The following ZFC3H1 variants were observed in gnomAD, a reference collection of about 807,000 sequenced individuals.
ZFC3H1 encodes zinc finger C3H1 domain-containing protein.
In ZFC3H1, 71 loss-of-function variants were observed where a neutral mutation model predicts 243.7. That is an observed-to-expected ratio of 0.29 (90% CI 0.24 to 0.36). The LOEUF (loss-of-function observed/expected upper bound fraction) is 0.36. Among genes scored for constraint, ZFC3H1 ranks in the 10% least tolerant of loss-of-function variants. The probability of loss-of-function intolerance (pLI) is 1.00; values close to 1 mark genes in which losing one functional copy is unlikely to be tolerated. For synonymous variants in ZFC3H1, 838 were observed against 813.0 expected (o/e 1.03, Z -0.52); for missense variants, 1,966 against 2,317.1 (o/e 0.85, Z 3.11).
rs11178881 is a variant in ZFC3H1 at position 71,652,382 on chromosome 12, G to C, written c.1015+4503C>G. ...TCAAATTCTTTAGCAAAATATTAAA[G>C]GCCTTCCCAATCCAACACTAACCTG... On this transcript the variant is annotated intron_variant, in intron 2 of 34. Coordinates refer to ENST00000378743, the MANE Select transcript of ZFC3H1 (RefSeq NM_144982.5). Among the ~76,000 whole-genome samples, 1,218 of 152,176 alleles carry C rather than the reference G, an allele frequency of 8.0e-3. 12 individuals are homozygous for C. Among genetic ancestry groups the C allele is most frequent in the Non-Finnish European group, 0.013 (886 of 67,988 alleles).
At chr12:71,642,202 T>C (rs1880617546) in intron 6 of ZFC3H1, among the ~76,000 whole-genome samples, 1 of 152,186 alleles carries the variant, frequency 6.6e-6, no homozygotes, top group African/African-American at 2.4e-5. Flanking sequence ...AATGTCTTAT[T>C]TATTTGTTTT....
intron 2 of ZFC3H1, among the ~76,000 whole-genome samples, chr12:71,649,086 T>C (rs1256077202): frequency 3.8e-5 from 5 of 131,462 alleles, no homozygotes; most frequent in Admixed American, 7.5e-5. Context: ...GCAAGACTCT[T>C]GTCTCAAAAA....
chr12:71,642,852 C>A (rs568419170), intron 5 of ZFC3H1, among the ~76,000 whole-genome samples: 1 of 152,240 alleles, frequency 6.6e-6, no homozygotes, highest in African/African-American at 2.4e-5. Context: ...AAAATGACAC[C>A]AAACTCTTGT....
At chr12:71,638,359 A>G in intron 7 of ZFC3H1, 59 bp downstream of exon 7, 1 of 1,530,742 alleles carries the variant, frequency 6.5e-7, no homozygotes, top group East Asian at 2.4e-5. Context: ...ATTCGTTTTT[A>G]AAAACAAATT....
rs1208660389 is a variant in ZFC3H1 at position 71,623,748 on chromosome 12, CA to C, written c.4507-152del. ...TCCTGATACTTAAAATCTAATAAGA[CA>C]AAGACAAAACAGTAAAAAGAAAAAA... On this transcript the variant is annotated intron_variant, in intron 23 of 34. Transcript: ENST00000378743. 12 of 630,176 alleles carry C rather than the reference CA, an allele frequency of 1.9e-5. No homozygotes were observed. In the Admixed American group the frequency reaches 2.9e-4, roughly 15 times the overall value. 39.0% of individuals were successfully genotyped at this position (630,176 alleles called of 1,614,324 possible).
chr12:71,611,029 G>T, intron 33 of ZFC3H1, 29 bp downstream of exon 33: 1 of 1,589,666 alleles, frequency 6.3e-7, no homozygotes, highest in South Asian at 1.2e-5. Flanking sequence ...TTTTAAAAGT[G>T]ACCCATCTGA....
At chr12:71,651,856 G>A (rs1395540270) in intron 2 of ZFC3H1, among the ~76,000 whole-genome samples, 1 of 152,214 alleles carries the variant, frequency 6.6e-6, no homozygotes. Flanking sequence ...CAAGGTCCCA[G>A]AGAAGGCAGA....
rs1880333574 is a variant in ZFC3H1, at chr12:71,631,937, CCA to C, written c.3360+33_3360+34del. 3.7e-6 allele frequency: 6 copies of C among 1,603,728 alleles called. No individual in the cohort carries two copies. In the South Asian group the frequency reaches 6.7e-5, roughly 18 times the overall value. On this transcript the variant is annotated intron_variant, in intron 15 of 34. Transcript: ENST00000378743. The stretch of plus-strand genomic sequence containing the variant: ...TAAGGCAAATAAGGCTGGGTGAATT[CCA>C]GATTTTAAAGAAAATATGAAATGTT...
At chr12:71,662,187 G>C (rs145744129) in intron 1 of ZFC3H1, among the ~76,000 whole-genome samples, 2 of 152,226 alleles carry the variant, frequency 1.3e-5, no homozygotes, top group Admixed American at 6.5e-5. Flanking sequence ...AGTAAACTCA[G>C]TAATGTTTAA....
Position 71,631,862 on chromosome 12 carries a change from A to G in ZFC3H1, c.3386T>C (p.Val1129Ala), listed in dbSNP as rs1400593191. 6.2e-7 allele frequency: 1 copy of G among 1,613,732 alleles called. No homozygotes were observed. Among genetic ancestry groups the G allele is most frequent in the Admixed American group, 1.7e-5 (1 of 59,984 alleles). The change falls in exon 16 of 35, where the codon GTC (valine) becomes GCC (alanine). Residue 1129 changes from valine (V) to alanine (A), a missense_variant. This residue lies in a region of ZFC3H1 where 1,383 missense variants were observed against 1,723.7 expected (regional missense o/e 0.80). Coordinates refer to ENST00000378743, the MANE Select transcript of ZFC3H1 (RefSeq NM_144982.5). The part of the protein sequence containing the change: ...GQEISVDVDF[V>A]TAQSKTMEVK... ...TTCCATTGTTTTACTTTGTGCTGTG[A>G]CAAAATCCACATCTACAGAAATCTC...
At position 71,615,231 on chromosome 12, in the gene ZFC3H1, CTTGGT is replaced by C; in HGVS notation, c.5225_5229del (p.His1742ArgfsTer19). On this transcript the variant is annotated frameshift_variant, in exon 28 of 35. Transcript: ENST00000378743. LOFTEE classifies it high-confidence loss of function. ...CAGTAAATCAGCCACAAATAAGGAA[CTTGGT>C]GGTTAAACATATCATCATCAAAATT... The C allele has an allele frequency of 6.2e-7, 1 of 1,612,898 alleles. No homozygotes were observed. The highest frequency in any genetic ancestry group is 1.1e-5 in the South Asian group (1 of 90,864).
rs1880467124 is a variant in ZFC3H1 at position 71,636,569 on chromosome 12, C to T, written c.2021G>A (p.Ser674Asn). 6.2e-7 allele frequency: 1 copy of T among 1,613,918 alleles called. No individual in the cohort carries two copies. Among genetic ancestry groups the T allele is most frequent in the Non-Finnish European group, 8.5e-7 (1 of 1,179,870 alleles). The change falls in exon 9 of 35, where the codon AGT (serine) becomes AAT (asparagine). Residue 674 changes from serine to asparagine, a missense_variant. Coordinates refer to ENST00000378743, the MANE Select transcript of ZFC3H1 (RefSeq NM_144982.5). ...CCTAGGCTGAGACACTGTGTTAATA[C>T]TGACTATTGATAGATTGCTTCTTGG... Reference protein sequence around the residue: ...PVPRSNLSIVSINTVSQPRIQ... With the variant: ...PVPRSNLSIVNINTVSQPRIQ...
At chr12:71,634,682 A>G in intron 11 of ZFC3H1, 22 bp downstream of exon 11, 1 of 1,571,226 alleles carries the variant, frequency 6.4e-7, no homozygotes, top group African/African-American at 1.4e-5. Context: ...TTTTAATGTT[A>G]ATTACATAAA....
intron 1 of ZFC3H1, among the ~76,000 whole-genome samples, chr12:71,661,948 TAAGTGTTCTATAA>T (rs1417800859): frequency 6.6e-6 from 1 of 152,232 alleles, no homozygotes; most frequent in Non-Finnish European, 1.5e-5. Context: ...ATTCTGGACC[TAAGTGTTCTATAA>T]AAGTAATTCT....
intron 21 of ZFC3H1, 120 bp from the exon 22 acceptor site, chr12:71,626,566 A>G: frequency 1.1e-6 from 1 of 908,476 alleles, no homozygotes; most frequent in East Asian, 2.7e-5. Context: ...CCAAGAAGTC[A>G]GGATCACTTA....
At chr12:71,611,153 ATCT>A in intron 32 of ZFC3H1, 56 bp from the exon 33 acceptor site, 1 of 1,472,750 alleles carries the variant, frequency 6.8e-7, no homozygotes, top group Non-Finnish European at 9.0e-7. Context: ...AAATTTATAT[ATCT>A]TTGAACAAAA....
rs1881034605 is a variant in ZFC3H1 at position 71,656,948 on chromosome 12, T to C, written c.952A>G (p.Lys318Glu). Residue 318 changes from lysine (K) to glutamate (E), a missense_variant, in exon 2 of 35, where the codon AAA becomes GAA. Around this residue, in one of 4 missense-constraint regions of ZFC3H1, gnomAD observed 484 missense variants for 449.7 expected, o/e 1.08. Coordinates refer to ENST00000378743, the MANE Select transcript of ZFC3H1 (RefSeq NM_144982.5). Reference protein sequence around the residue: ...LTLPGDKNRLKKVKDGAKPLS... With the variant: ...LTLPGDKNRLEKVKDGAKPLS... Reference sequence around the variant, plus strand: ...GGTTTTGCTCCATCTTTAACTTTTTTCAAACGGTTCTTATCTCCTGGTAAA... The same window carrying C: ...GGTTTTGCTCCATCTTTAACTTTTTCCAAACGGTTCTTATCTCCTGGTAAA... 1 of 1,613,858 alleles carries C rather than the reference T, an allele frequency of 6.2e-7. No homozygotes were observed. Among genetic ancestry groups the C allele is most frequent in the Non-Finnish European group, 8.5e-7 (1 of 1,179,884 alleles).
At chr12:71,611,233 A>T in intron 32 of ZFC3H1, 136 bp from the exon 33 acceptor site, 1 of 853,256 alleles carries the variant, frequency 1.2e-6, no homozygotes, top group Non-Finnish European at 1.6e-6. Flanking sequence ...GAAAGTTAAC[A>T]GGCTAAACTT....
At chr12:71,655,242 T>G (rs2137561300) in intron 2 of ZFC3H1, among the ~76,000 whole-genome samples, 1 of 152,212 alleles carries the variant, frequency 6.6e-6, no homozygotes, top group African/African-American at 2.4e-5. Flanking sequence ...TTGACTTAGA[T>G]ATCAATAAAA....
Sources: allele counts gnomAD v4.1 joint callset (sites outside exome capture counted in the v4.1 genomes callset), GRCh38; gene constraint gnomAD v4.1.1; regional missense constraint gnomAD v4.1.1; transcripts MANE v1.5; gene names NCBI Gene and HGNC (gene_info 2026-07-23, HGNC 2026-07-21).